SIM2: variants seen among roughly 807,000 people sequenced by gnomAD.
SIM2 encodes the protein single-minded homolog 2.
Under a neutral mutation model 64.8 loss-of-function variants are expected in SIM2, and 28 were observed. That is an observed-to-expected ratio of 0.43 (90% CI 0.32 to 0.59). The LOEUF (loss-of-function observed/expected upper bound fraction) is 0.59, where lower values mean the gene tolerates loss of function less well. Among genes scored for constraint, SIM2 ranks in the 20% least tolerant of loss-of-function variants. SIM2 has a pLI of 0.07. For synonymous variants in SIM2, 408 were observed against 391.1 expected (o/e 1.04, Z -0.51); for missense variants, 847 against 871.4 (o/e 0.97, Z 0.35).
At chr21:36,719,481 CTCT>C (rs1300338322) in intron 3 of SIM2, among the ~76,000 whole-genome samples, 1 of 152,226 alleles carries the variant, frequency 6.6e-6, no homozygotes, top group Non-Finnish European at 1.5e-5. Flanking sequence ...GTTTCAAGCC[CTCT>C]TCTGTATGAA....
intron 5 of SIM2, among the ~76,000 whole-genome samples, chr21:36,725,884 G>A (rs1568933049): frequency 1.3e-5 from 2 of 152,232 alleles, no homozygotes; most frequent in Admixed American, 6.5e-5. Context: ...GCCTCCCAAA[G>A]TGCTGAGATG....
At chr21:36,739,992 GAAGAAAGAAAGAAAGAGAGAAAGA>G (rs1202874773) in intron 7 of SIM2, among the ~76,000 whole-genome samples, 1 of 99,324 alleles carries the variant, frequency 1.0e-5, no homozygotes, top group African/African-American at 4.5e-5. Context: ...AGAAAGAAGA[GAAGAAAGAAAGAAAGAGAGAAAGA>G]AAGAAAGAAA....
At position 36,720,085 on chromosome 21, in the gene SIM2, G is replaced by A. The variant is rs1006333420; in HGVS notation, c.457+156G>A. On this transcript the variant is annotated intron_variant, in intron 4 of 10. Coordinates refer to ENST00000290399, the MANE Select transcript of SIM2 (RefSeq NM_005069.6). Reference sequence around the variant, plus strand: ...CCAATACACACACAGCACCCACCACGTGGGGATTTGCATTGATACCTGTGT... The same window carrying A: ...CCAATACACACACAGCACCCACCACATGGGGATTTGCATTGATACCTGTGT... 30 of 604,266 alleles carry A rather than the reference G, an allele frequency of 5.0e-5. No homozygotes were observed. The East Asian group carries it at 5.2e-4, about 10-fold the overall frequency. The allele number at this position is 604,266 out of a possible 1,614,324, so 37.4% of individuals were successfully genotyped here. A position where few individuals can be genotyped will look rare whatever the true frequency, so the allele number is the denominator to read the frequency against.
intron 7 of SIM2, among the ~76,000 whole-genome samples, chr21:36,737,973 A>AAAAAAAAAAAAAGC (rs1555877008): frequency 2.2e-4 from 26 of 120,334 alleles, no homozygotes; most frequent in Non-Finnish European, 4.7e-4. Flanking sequence ...AAAAAAAAAA[A>AAAAAAAAAAAAAGC]AAAAAAAAAG....
At chr21:36,740,778 C>T (rs886322816) in intron 7 of SIM2, among the ~76,000 whole-genome samples, 3 of 152,212 alleles carry the variant, frequency 2.0e-5, no homozygotes, top group Non-Finnish European at 2.9e-5. Flanking sequence ...ACAGACTCAG[C>T]CCCTTTGGCC....
chr21:36,736,127 G>C (rs1328215395), intron 7 of SIM2, among the ~76,000 whole-genome samples: 1 of 152,196 alleles, frequency 6.6e-6, no homozygotes, highest in Non-Finnish European at 1.5e-5. Context: ...ACCGAGTGTA[G>C]CTGGAGGTAG....
intron 3 of SIM2, among the ~76,000 whole-genome samples, chr21:36,718,485 G>A (rs2088775511): frequency 6.6e-6 from 1 of 152,132 alleles, no homozygotes; most frequent in Non-Finnish European, 1.5e-5. Flanking sequence ...GGGTGGCTCG[G>A]GACAAGACAC....
intron 9 of SIM2, among the ~76,000 whole-genome samples, chr21:36,744,186 A>T (rs1350735675): frequency 6.6e-6 from 1 of 152,050 alleles, no homozygotes; most frequent in Non-Finnish European, 1.5e-5. Context: ...GAGCTGAGAC[A>T]GTGCCACTGC....
In SIM2 at chr21:36,744,772, C is replaced by G. The variant is rs370761873; in HGVS notation, c.1212C>G (p.Leu404=). Residue 404 remains leucine (L), a synonymous_variant, in exon 10 of 11, where the codon CTC becomes CTG. Coordinates refer to ENST00000290399, the MANE Select transcript of SIM2 (RefSeq NM_005069.6). The part of the protein sequence containing the change: ...FQMDKLECGQ[L]GNWRASPPAS... ...TGGACAAACTGGAATGCGGCCAGCT[C>G]GGAAACTGGAGAGCCAGTCCCCCTG... is the stretch of plus-strand genomic sequence containing the variant. 3 of 1,612,274 alleles carry G rather than the reference C, an allele frequency of 1.9e-6. No individual in the cohort carries two copies. The highest frequency in any genetic ancestry group is 3.3e-5 in the Admixed American group (2 of 59,702).
At chr21:36,707,635 G>A (rs2088604098) in intron 1 of SIM2, among the ~76,000 whole-genome samples, 1 of 151,906 alleles carries the variant, frequency 6.6e-6, no homozygotes, top group Non-Finnish European at 1.5e-5. Flanking sequence ...GAATAGGGAA[G>A]GGTTTGCGAA....
intron 3 of SIM2, among the ~76,000 whole-genome samples, chr21:36,718,970 C>T (rs1177974409): frequency 6.6e-6 from 1 of 152,220 alleles, no homozygotes; most frequent in Non-Finnish European, 1.5e-5. Flanking sequence ...AAAATTGTAA[C>T]TATGATGGGT....
chr21:36,736,691 C>T (rs983076769), intron 7 of SIM2, among the ~76,000 whole-genome samples: 1 of 151,842 alleles, frequency 6.6e-6, no homozygotes, highest in African/African-American at 2.4e-5. Flanking sequence ...AGAGCTGTGC[C>T]ACAATATTCC....
chr21:36,732,414 G>A (rs1026618758), intron 7 of SIM2, among the ~76,000 whole-genome samples: 41 of 152,204 alleles, frequency 2.7e-4, no homozygotes, highest in Non-Finnish European at 1.0e-4. Flanking sequence ...TGCCAGTGTC[G>A]AGTGGGAGGG....
intron 3 of SIM2, 56 bp from the exon 4 acceptor site, chr21:36,719,765 C>A: frequency 9.5e-7 from 1 of 1,052,738 alleles, no homozygotes. Context: ...TTGCCCCTCC[C>A]CCTGCGCCAA....
Position 36,748,249 on chromosome 21 carries a change from C to T in SIM2, c.*157C>T, listed in dbSNP as rs1222738127. ...TTGCGGATTTCCACCGCGGAGGCCC[C>T]GCGCGCCGGTGCCGAGGGCCGAGGA... On this transcript the variant is annotated 3_prime_UTR_variant, in exon 11 of 11. Coordinates refer to ENST00000290399, the MANE Select transcript of SIM2 (RefSeq NM_005069.6). The T allele has an allele frequency of 2.3e-5, 8 of 349,370 alleles. No individual in the cohort carries two copies. 21.6% of individuals were successfully genotyped at this position (349,370 alleles called of 1,614,324 possible). A position where few individuals can be genotyped will look rare whatever the true frequency, so the allele number is the denominator to read the frequency against.
intron 3 of SIM2, among the ~76,000 whole-genome samples, 189 bp downstream of exon 3, chr21:36,712,811 T>A (rs559116040): frequency 6.6e-6 from 1 of 152,340 alleles, no homozygotes; most frequent in South Asian, 2.1e-4. Flanking sequence ...TACGTTTTAC[T>A]TTTTTACTTT....
chr21:36,745,430 G>A lies in SIM2; in HGVS notation c.1576+294G>A, dbSNP rs1192826576. The A allele has an allele frequency of 6.2e-5, 79 of 1,280,516 alleles. No homozygotes were observed. Among genetic ancestry groups the A allele is most frequent in the Non-Finnish European group, 7.4e-5 (74 of 999,058 alleles). 79.3% of individuals were successfully genotyped at this position (1,280,516 alleles called of 1,614,324 possible). On this transcript the variant is annotated intron_variant, in intron 10 of 10. Coordinates refer to ENST00000290399, the MANE Select transcript of SIM2 (RefSeq NM_005069.6). This position sits in a 1 kb window ranked among gnomAD's most constrained non-coding sequence, Gnocchi z 4.8. ...CCTGGCCACATTCACCAACCAAAGG[G>A]GGACAGTGATTTTCAAAACCAGCTC...
Position 36,747,750 on chromosome 21 carries a change from G to C in SIM2, c.1662G>C (p.Ala554=), listed in dbSNP as rs1422415050. Residue 554 remains alanine, a synonymous_variant, in exon 11 of 11, where the codon GCG becomes GCC. Transcript: ENST00000290399. The surrounding 1 kb of genome is among the most constrained non-coding windows in gnomAD (Gnocchi z 4.5). The stretch of plus-strand genomic sequence containing the variant: ...GCGGCCACTACCGCGAGGAGCCCGC[G>C]CTGGGCCCGGCCAAAGCCGCCCGCC... ...PSCGHYREEP[A]LGPAKAARQA... 29 of 1,193,316 alleles carry C rather than the reference G, an allele frequency of 2.4e-5. No homozygotes were observed. Among genetic ancestry groups the C allele is most frequent in the Non-Finnish European group, 2.7e-5 (26 of 964,508 alleles). The allele number at this position is 1,193,316 out of a possible 1,614,324, so 73.9% of individuals were successfully genotyped here. A position where few individuals can be genotyped will look rare whatever the true frequency, so the allele number is the denominator to read the frequency against.
In SIM2 at chr21:36,749,756, G is replaced by A. The variant is rs765288514; in HGVS notation, c.*1664G>A. The A allele has an allele frequency of 6.6e-6, 1 of 152,122 alleles. No homozygotes were observed. Among genetic ancestry groups the A allele is most frequent in the Admixed American group, 6.5e-5 (1 of 15,276 alleles). The allele number at this position is 152,122 out of a possible 1,614,324, so 9.4% of individuals were successfully genotyped here. ...AAAGGTGTAGGTTTGATTACTAGGA[G>A]ATACCACCGACATTTTTCAATAAAG... On this transcript the variant is annotated 3_prime_UTR_variant, in exon 11 of 11. Transcript: ENST00000290399.
Sources: gnomAD v4.1 joint callset for allele counts (sites outside exome capture counted in the v4.1 genomes callset) on GRCh38, gnomAD v4.1.1 for gene constraint, Gnocchi (gnomAD v3.1) non-coding constraint, MANE v1.5 for transcripts, NCBI Gene and HGNC (gene_info 2026-07-23, HGNC 2026-07-21) for gene names.